The following SCAPER variants were observed in gnomAD, a reference collection of about 807,000 sequenced individuals.
SCAPER encodes the protein S phase cyclin A-associated protein in the endoplasmic reticulum.
SCAPER carries 98 observed loss-of-function variants against 182.2 expected under a neutral mutation model. The observed-to-expected ratio is 0.54, with a 90% CI of 0.46 to 0.64. The LOEUF is 0.64. Among genes scored for constraint, SCAPER ranks in the 30% least tolerant of loss-of-function variants. The pLI is 0.00. For synonymous variants in SCAPER, 605 were observed against 564.6 expected (o/e 1.07, Z -1.01); for missense variants, 1,432 against 1,690.0 (o/e 0.85, Z 2.68).
intron 15 of SCAPER, among the ~76,000 whole-genome samples, chr15:76,735,840 C>G (rs114407736): frequency 6.6e-6 from 1 of 150,510 alleles, no homozygotes; most frequent in African/African-American, 2.5e-5. Flanking sequence ...GATGATAAAA[C>G]AACATACAGT....
At chr15:76,449,426 C>T (rs993019009) in intron 25 of SCAPER, among the ~76,000 whole-genome samples, 1 of 152,182 alleles carries the variant, frequency 6.6e-6, no homozygotes, top group African/African-American at 2.4e-5. Context: ...CAGCTTAATT[C>T]AGTAAATATT....
chr15:76,480,250 T>G (rs1473064382), intron 24 of SCAPER, among the ~76,000 whole-genome samples: 1 of 152,218 alleles, frequency 6.6e-6, no homozygotes, highest in Non-Finnish European at 1.5e-5. Flanking sequence ...ATTTAATAAA[T>G]AGCATACAGT....
chr15:76,442,328 A>G (rs1278348386), intron 25 of SCAPER, among the ~76,000 whole-genome samples: 1 of 152,174 alleles, frequency 6.6e-6, no homozygotes, highest in East Asian at 1.9e-4. Flanking sequence ...TACATTTTAA[A>G]TGTCTCTTAC....
chr15:76,763,763 T>C (rs907588358), intron 14 of SCAPER, among the ~76,000 whole-genome samples: 18 of 152,232 alleles, frequency 1.2e-4, no homozygotes, highest in African/African-American at 4.3e-4. Context: ...TACTGCATTT[T>C]CTAGTTTCTT....
chr15:76,423,297 G>C (rs922750542), intron 26 of SCAPER, among the ~76,000 whole-genome samples: 3 of 152,074 alleles, frequency 2.0e-5, no homozygotes, highest in African/African-American at 7.2e-5. Context: ...CAATTTCAGA[G>C]CCTGTTATTG....
chr15:76,767,184 T>TA, intron 10 of SCAPER, 96 bp from the exon 11 acceptor site: 1 of 1,106,158 alleles, frequency 9.0e-7, no homozygotes, highest in Non-Finnish European at 1.3e-6. Context: ...ACAGTATACA[T>TA]AAAATTGTAT....
chr15:76,445,041 T>C lies in SCAPER; in HGVS notation c.3079-10731A>G, dbSNP rs137991414. ...GTGGTTTCTGGTCACATGGATGAACTGTATAGTGGTGAAGTCTGGGATTTT... is the reference window on the plus strand; with the variant it reads ...GTGGTTTCTGGTCACATGGATGAACCGTATAGTGGTGAAGTCTGGGATTTT... On this transcript the variant is annotated intron_variant, in intron 25 of 31. Transcript: ENST00000563290. Among the ~76,000 whole-genome samples, 1,273 of 152,324 alleles carry C rather than the reference T, an allele frequency of 8.4e-3. 19 individuals carry two copies. The highest frequency in any genetic ancestry group is 0.029 in the African/African-American group (1,216 of 41,570).
chr15:76,510,864 C>T (rs536859792), intron 23 of SCAPER, among the ~76,000 whole-genome samples: 551 of 150,608 alleles, frequency 3.7e-3, no homozygotes, highest in South Asian at 5.5e-3. Context: ...CTGGTGCGCG[C>T]GTGTGTGTGT....
chr15:76,681,380 A>C (rs2146997756), intron 20 of SCAPER, among the ~76,000 whole-genome samples: 2 of 152,378 alleles, frequency 1.3e-5, no homozygotes, highest in East Asian at 3.9e-4. Flanking sequence ...CTAGTTTAAC[A>C]GAAGAAAATC....
chr15:76,761,269 T>C (rs1311586767), intron 14 of SCAPER, among the ~76,000 whole-genome samples: 2 of 152,164 alleles, frequency 1.3e-5, no homozygotes, highest in Admixed American at 6.5e-5. Flanking sequence ...GATTTTTTTC[T>C]TTCCAACAAA....
rs369803446 is a variant in SCAPER, at chr15:76,603,751, T to C, written c.2711+18013A>G. On this transcript the variant is annotated intron_variant, in intron 22 of 31. Coordinates refer to ENST00000563290, the MANE Select transcript of SCAPER (RefSeq NM_020843.4). ...ACTGGTGTGAGATGGTATCTCATTGTGGTTTTGATTTGCATTTCTCTGATG... is the reference window on the plus strand; with the variant it reads ...ACTGGTGTGAGATGGTATCTCATTGCGGTTTTGATTTGCATTTCTCTGATG... 4.1e-5 allele frequency among the ~76,000 whole-genome samples: 5 copies of C among 122,186 alleles called. No individual in the cohort carries two copies. In the East Asian group the frequency reaches 6.6e-4, roughly 16 times the overall value. The allele number at this position is 122,186 out of a possible 152,430, so 80.2% of individuals were successfully genotyped here. A position where few individuals can be genotyped will look rare whatever the true frequency, so the allele number is the denominator to read the frequency against.
At chr15:76,480,585 T>A (rs775463047) in intron 24 of SCAPER, among the ~76,000 whole-genome samples, 7 of 152,274 alleles carry the variant, frequency 4.6e-5, no homozygotes, top group Non-Finnish European at 1.0e-4. Context: ...TCATTCATTC[T>A]GTCGGGACCC....
intron 24 of SCAPER, among the ~76,000 whole-genome samples, chr15:76,489,381 A>G (rs1391319383): frequency 1.3e-5 from 2 of 151,408 alleles, no homozygotes; most frequent in African/African-American, 4.9e-5. Context: ...CAGTTGTGAA[A>G]CCACCACAAT....
At chr15:76,451,413 T>C (rs2048359450) in intron 25 of SCAPER, among the ~76,000 whole-genome samples, 1 of 152,212 alleles carries the variant, frequency 6.6e-6, no homozygotes, top group Non-Finnish European at 1.5e-5. Flanking sequence ...GGTAAGTGTA[T>C]GTTTATAAGA....
intron 14 of SCAPER, among the ~76,000 whole-genome samples, chr15:76,762,209 T>C (rs955343123): frequency 1.2e-4 from 18 of 152,196 alleles, no homozygotes; most frequent in African/African-American, 4.3e-4. Context: ...TGAGCCACTC[T>C]ATGCCCTTTG....
chr15:76,831,538 C>T (rs1423542452), intron 5 of SCAPER, among the ~76,000 whole-genome samples: 1 of 150,700 alleles, frequency 6.6e-6, no homozygotes, highest in Admixed American at 6.6e-5. Flanking sequence ...GTACACCAAC[C>T]CCTCCCCCTC....
At chr15:76,461,894 C>T (rs2049211222) in intron 25 of SCAPER, among the ~76,000 whole-genome samples, 1 of 152,158 alleles carries the variant, frequency 6.6e-6, no homozygotes, top group African/African-American at 2.4e-5. Context: ...CTTTGTTGGA[C>T]TCAAACTGCA....
chr15:76,764,616 A>G (rs1364050162), intron 14 of SCAPER, among the ~76,000 whole-genome samples: 1 of 152,256 alleles, frequency 6.6e-6, no homozygotes, highest in Non-Finnish European at 1.5e-5. Flanking sequence ...AGGGCTGGCC[A>G]TGGGCAAACA....
chr15:76,817,411 G>A (rs1367983445), intron 5 of SCAPER, among the ~76,000 whole-genome samples: 2 of 152,136 alleles, frequency 1.3e-5, no homozygotes, highest in African/African-American at 2.4e-5. Flanking sequence ...TGGTTAACAA[G>A]GTCAGGGGGA....
Sources: gnomAD v4.1 joint callset for allele counts (sites outside exome capture counted in the v4.1 genomes callset) on GRCh38, gnomAD v4.1.1 for gene constraint, MANE v1.5 for transcripts, NCBI Gene and HGNC (gene_info 2026-07-23, HGNC 2026-07-21) for gene names.